CAST: variants seen among roughly 807,000 people sequenced by gnomAD.
CAST encodes the protein calpastatin.
In CAST, 76 loss-of-function variants were observed where a neutral mutation model predicts 119.6. The ratio of observed to expected loss-of-function variants is 0.64; its 90% CI spans 0.53 to 0.77. CAST has a LOEUF of 0.77. Ranked by LOEUF, CAST falls within the 30% of genes least tolerant of loss-of-function variation. The pLI, the probability that CAST is intolerant of heterozygous loss-of-function variation, is 0.00. For synonymous variants in CAST, 319 were observed against 331.6 expected, an observed-to-expected ratio of 0.96 and a Z score of 0.41; for missense variants, 953 against 946.5, an observed-to-expected ratio of 1.01 and a Z score of -0.09.
chr5:96,051,577 T>C, the CAST span, among the ~76,000 whole-genome samples: 1 of 152,124 alleles, frequency 6.6e-6, no homozygotes, highest in Admixed American at 6.5e-5. Context: ...TGTAAAGTTC[T>C]CCCCTAGGGC....
chr5:96,433,904 T>C, the CAST span, among the ~76,000 whole-genome samples: 3 of 152,238 alleles, frequency 2.0e-5, no homozygotes, highest in African/African-American at 4.8e-5. Context: ...ACTCCGATAT[T>C]GCAAAGCCAG....
chr5:96,742,660 A>G lies in CAST; in HGVS notation c.1104A>G (p.Thr368=). 6.2e-7 allele frequency: 1 copy of G among 1,609,932 alleles called. No homozygotes were observed. Among genetic ancestry groups the G allele is most frequent in the Non-Finnish European group, 8.5e-7 (1 of 1,176,242 alleles). Residue 368 remains threonine (T), a synonymous_variant, in exon 16 of 32, where the codon ACA becomes ACG. Transcript: ENST00000675179. ...GGATTTTTTACTTTTAACAGGATACAATGAGTGATCAAGCACTCGAGGCTC... is the reference window on the plus strand; with the variant it reads ...GGATTTTTTACTTTTAACAGGATACGATGAGTGATCAAGCACTCGAGGCTC... ...QEKKRKVEKD[T]MSDQALEALS...
chr5:96,375,102 A>G, the CAST span, among the ~76,000 whole-genome samples: 15 of 152,204 alleles, frequency 9.9e-5, no homozygotes, highest in African/African-American at 3.6e-4. Flanking sequence ...AAGAGTCTTA[A>G]CCTGAATAAT....
chr5:96,142,857 C>G, the CAST span, among the ~76,000 whole-genome samples: 137 of 152,280 alleles, frequency 9.0e-4, no homozygotes, highest in Admixed American at 1.4e-3. Context: ...AGGGCATGTA[C>G]TAATTAGCTC....
intron 1 of CAST, among the ~76,000 whole-genome samples, chr5:96,632,992 A>G (rs1289112082): frequency 6.6e-6 from 1 of 152,060 alleles, no homozygotes; most frequent in African/African-American, 2.4e-5. Context: ...TGTTTTTGAG[A>G]CAGAATTTTG....
At chr5:96,340,373 C>T in the CAST span, among the ~76,000 whole-genome samples, 5 of 152,098 alleles carry the variant, frequency 3.3e-5, no homozygotes, top group Admixed American at 2.6e-4. Context: ...CCCTACCCTC[C>T]CCACCATGGT....
chr5:96,315,052 C>T, the CAST span, among the ~76,000 whole-genome samples: 1 of 152,056 alleles, frequency 6.6e-6, no homozygotes, highest in African/African-American at 2.4e-5. Flanking sequence ...TTCCTCTCAC[C>T]CTCACGCAAT....
chr5:96,065,440 T>A, the CAST span, among the ~76,000 whole-genome samples: 1 of 151,902 alleles, frequency 6.6e-6, no homozygotes, highest in Non-Finnish European at 1.5e-5. Context: ...TGTATTTATA[T>A]GTATATATGT....
At chr5:96,255,088 A>G in the CAST span, among the ~76,000 whole-genome samples, 1 of 152,144 alleles carries the variant, frequency 6.6e-6, no homozygotes, top group Non-Finnish European at 1.5e-5. Flanking sequence ...CATAAGCTTA[A>G]TGACTCATAT....
the CAST span, among the ~76,000 whole-genome samples, chr5:96,245,247 G>A: frequency 6.6e-6 from 1 of 152,108 alleles, no homozygotes; most frequent in African/African-American, 2.4e-5. Context: ...ATAGAGTCCC[G>A]AATATATCAA....
At chr5:96,065,157 G>T in the CAST span, among the ~76,000 whole-genome samples, 12 of 151,628 alleles carry the variant, frequency 7.9e-5, no homozygotes, top group African/African-American at 2.7e-4. Context: ...TTTCTTTTTG[G>T]TGGAAACTAT....
chr5:96,470,296 A>G, the CAST span, among the ~76,000 whole-genome samples: 1 of 152,020 alleles, frequency 6.6e-6, no homozygotes, highest in Non-Finnish European at 1.5e-5. Context: ...CGAAAAATAT[A>G]TAAAGGTTAG....
At chr5:96,617,968 C>T (rs1747503568) in intron 1 of CAST, among the ~76,000 whole-genome samples, 1 of 152,090 alleles carries the variant, frequency 6.6e-6, no homozygotes, top group South Asian at 2.1e-4. Flanking sequence ...CCTAGCTGGA[C>T]AGGAACCAGG....
At chr5:96,028,577 A>G in the CAST span, among the ~76,000 whole-genome samples, 1 of 152,072 alleles carries the variant, frequency 6.6e-6, no homozygotes, top group South Asian at 2.1e-4. Context: ...ACTGAAACAG[A>G]TGATTCTCTA....
the CAST span, chr5:95,962,055 G>C: frequency 2.5e-6 from 1 of 400,526 alleles, no homozygotes; most frequent in Non-Finnish European, 4.4e-6. Context: ...CTGACGTCTA[G>C]GTGACGCGCC....
At chr5:96,709,153 A>G (rs567325884) in intron 3 of CAST, among the ~76,000 whole-genome samples, 1 of 152,340 alleles carries the variant, frequency 6.6e-6, no homozygotes, top group Non-Finnish European at 1.5e-5. Context: ...TATTTTTCTC[A>G]TGCATATGCA....
chr5:96,180,022 C>CAAA, the CAST span, among the ~76,000 whole-genome samples: 1 of 149,016 alleles, frequency 6.7e-6, no homozygotes, highest in African/African-American at 2.5e-5. Flanking sequence ...GACTCCATCT[C>CAAA]AAAAAGAAAA....
the CAST span, among the ~76,000 whole-genome samples, chr5:96,406,292 G>A: frequency 2.1e-3 from 325 of 152,166 alleles, no homozygotes; most frequent in African/African-American, 7.6e-3. Context: ...TTCACTGCTT[G>A]GACAATTATT....
chr5:96,662,406 G>A lies in CAST; in HGVS notation c.-17G>A, dbSNP rs1748656060. On this transcript the variant is annotated 5_prime_UTR_variant, in exon 1 of 32. Coordinates refer to ENST00000675179, the MANE Select transcript of CAST (RefSeq NM_001750.7). ...CCGCGGCGCATTCCGGGAGGCAGCG[G>A]CCGCAGCGGCCTCGCCATGTCCCAG... The A allele has an allele frequency of 4.3e-6, 6 of 1,401,380 alleles. No individual in the cohort carries two copies. In the East Asian group the frequency reaches 1.7e-4, roughly 40 times the overall value. 86.8% of individuals were successfully genotyped at this position (1,401,380 alleles called of 1,614,324 possible).
Sources: gnomAD v4.1 joint callset for allele counts (sites outside exome capture counted in the v4.1 genomes callset) on GRCh38, gnomAD v4.1.1 for gene constraint, MANE v1.5 for transcripts, NCBI Gene and HGNC (gene_info 2026-07-23, HGNC 2026-07-21) for gene names.